PTPRN2: variants seen among roughly 807,000 people sequenced by gnomAD.
PTPRN2 encodes receptor-type tyrosine-protein phosphatase N2.
A neutral mutation model predicts 118.8 loss-of-function variants in PTPRN2; 74 were observed. The observed-to-expected ratio is 0.62, with a 90% CI of 0.52 to 0.76. PTPRN2 has a LOEUF of 0.76. Among genes scored for constraint, PTPRN2 ranks in the 30% least tolerant of loss-of-function variants. PTPRN2 has a pLI of 0.00. For synonymous variants in PTPRN2, 641 were observed against 608.0 expected, an observed-to-expected ratio of 1.05 and a Z score of -0.80; for missense variants, 1,481 against 1,394.4, an observed-to-expected ratio of 1.06 and a Z score of -0.99.
intron 2 of PTPRN2, among the ~76,000 whole-genome samples, chr7:158,418,304 G>T (rs191448247): frequency 0.015 from 961 of 62,158 alleles, no homozygotes; most frequent in African/African-American, 0.04. Flanking sequence ...TCCTGCTGTG[G>T]TAAGTCATGG....
At chr7:157,714,992 C>G (rs11762822) in intron 12 of PTPRN2, among the ~76,000 whole-genome samples, 73,633 of 152,104 alleles carry the variant, frequency 0.48, 18,757 homozygotes, top group African/African-American at 0.63. Flanking sequence ...CGCCCAGCCC[C>G]ATGTGCTTTT....
chr7:157,644,253 T>C (rs977585028), intron 14 of PTPRN2, among the ~76,000 whole-genome samples: 5 of 152,338 alleles, frequency 3.3e-5, no homozygotes, highest in Admixed American at 2.6e-4. Context: ...CGAAAGGTTC[T>C]GGGAGGACAC....
intron 2 of PTPRN2, among the ~76,000 whole-genome samples, chr7:158,435,230 G>A (rs1816496103): frequency 6.6e-6 from 1 of 152,142 alleles, no homozygotes; most frequent in Non-Finnish European, 1.5e-5. Flanking sequence ...AAATGTATAA[G>A]GAACTGCTGC....
At chr7:158,195,186 T>C (rs1826116452) in intron 4 of PTPRN2, among the ~76,000 whole-genome samples, 1 of 152,230 alleles carries the variant, frequency 6.6e-6, no homozygotes, top group South Asian at 2.1e-4. Context: ...AATTTTACCT[T>C]TGTATCTGAA....
At chr7:158,264,152 C>G (rs1265967743) in intron 3 of PTPRN2, among the ~76,000 whole-genome samples, 5 of 152,212 alleles carry the variant, frequency 3.3e-5, no homozygotes, top group Non-Finnish European at 7.3e-5. Flanking sequence ...AACATTGTCC[C>G]TAACGAACAG....
intron 12 of PTPRN2, among the ~76,000 whole-genome samples, chr7:157,892,341 G>GA (rs1414760188): frequency 1.3e-5 from 2 of 151,998 alleles, no homozygotes; most frequent in Non-Finnish European, 2.9e-5. Context: ...CTTTCCTTTG[G>GA]AAAAAAACAT....
At chr7:158,098,256 C>T (rs1223215161) in intron 10 of PTPRN2, among the ~76,000 whole-genome samples, 2 of 152,200 alleles carry the variant, frequency 1.3e-5, no homozygotes. Flanking sequence ...GCTTCAGCTC[C>T]GCAATGTGGG....
chr7:157,889,304 C>A (rs1584957817), intron 12 of PTPRN2, among the ~76,000 whole-genome samples: 1 of 151,760 alleles, frequency 6.6e-6, no homozygotes, highest in South Asian at 2.1e-4. Flanking sequence ...GTTACCGCCC[C>A]CCTCTCAACT....
intron 11 of PTPRN2, among the ~76,000 whole-genome samples, chr7:158,040,504 AC>A (rs1272201289): frequency 6.6e-6 from 1 of 152,144 alleles, no homozygotes; most frequent in African/African-American, 2.4e-5. Context: ...GGGGGGAAAA[AC>A]CTTACCTTAC....
intron 2 of PTPRN2, among the ~76,000 whole-genome samples, chr7:158,317,700 C>T (rs1802451293): frequency 6.6e-6 from 1 of 152,188 alleles, no homozygotes; most frequent in Non-Finnish European, 1.5e-5. Flanking sequence ...CACAGGGCGG[C>T]CATCTGCAGC....
intron 6 of PTPRN2, among the ~76,000 whole-genome samples, chr7:158,155,275 A>C (rs1394969882): frequency 6.6e-6 from 1 of 152,236 alleles, no homozygotes; most frequent in African/African-American, 2.4e-5. Context: ...AGCTTTAAAC[A>C]ATCAGCAACA....
At chr7:158,218,097 G>A (rs1828081888) in intron 3 of PTPRN2, among the ~76,000 whole-genome samples, 7 of 152,126 alleles carry the variant, frequency 4.6e-5, no homozygotes, top group Admixed American at 4.6e-4. Flanking sequence ...GAAAACCCCT[G>A]TGAGATACTA....
chr7:157,614,994 A>G (rs1802662118), intron 15 of PTPRN2, among the ~76,000 whole-genome samples: 2 of 152,192 alleles, frequency 1.3e-5, no homozygotes, highest in Admixed American at 6.5e-5. Flanking sequence ...CTTAGTTATA[A>G]CGGGGCTGCA....
At chr7:158,150,250 A>C (rs996732136) in intron 6 of PTPRN2, among the ~76,000 whole-genome samples, 11 of 152,240 alleles carry the variant, frequency 7.2e-5, no homozygotes, top group Non-Finnish European at 1.2e-4. Context: ...GGATGTATTC[A>C]TGAGAGATTT....
At chr7:158,249,465 A>G (rs1585980500) in intron 3 of PTPRN2, among the ~76,000 whole-genome samples, 4 of 148,756 alleles carry the variant, frequency 2.7e-5, no homozygotes, top group Admixed American at 2.0e-4. Flanking sequence ...GCATACATAC[A>G]CATATCTACC....
chr7:158,542,563 C>T (rs562957845), intron 1 of PTPRN2, among the ~76,000 whole-genome samples: 11 of 152,184 alleles, frequency 7.2e-5, no homozygotes, highest in South Asian at 2.1e-4. Context: ...ATGTGCCCAG[C>T]GCCATTTTTA....
intron 12 of PTPRN2, among the ~76,000 whole-genome samples, chr7:157,734,754 C>T (rs1800201064): frequency 6.6e-6 from 1 of 152,200 alleles, no homozygotes; most frequent in African/African-American, 2.4e-5. Context: ...TTACAATAAC[C>T]TGGAACTGTA....
At chr7:157,769,244 C>A (rs868302341) in intron 12 of PTPRN2, among the ~76,000 whole-genome samples, 1 of 152,142 alleles carries the variant, frequency 6.6e-6, no homozygotes, top group Admixed American at 6.5e-5. Context: ...GGTGATTTAT[C>A]CCCAGGCCAC....
At chr7:157,872,379 A>C (rs1333452395) in intron 12 of PTPRN2, among the ~76,000 whole-genome samples, 2 of 49,848 alleles carry the variant, frequency 4.0e-5, no homozygotes, top group Admixed American at 2.9e-4. Flanking sequence ...CCCCCCACAC[A>C]CATACCCAGT....
Sources: gnomAD v4.1 joint callset for allele counts (sites outside exome capture counted in the v4.1 genomes callset) on GRCh38, gnomAD v4.1.1 for gene constraint, MANE v1.5 for transcripts, NCBI Gene and HGNC (gene_info 2026-07-23, HGNC 2026-07-21) for gene names.